Variants in SH2D5 observed in about 807,000 individuals in gnomAD.
SH2D5 encodes the protein SH2 domain containing 5.
Under a neutral mutation model 48.2 loss-of-function variants are expected in SH2D5, and 45 were observed. That is an observed-to-expected ratio of 0.93 (90% CI 0.73 to 1.20). The LOEUF is 1.20. SH2D5 is among the 50% of genes most tolerant of loss of function. The probability of loss-of-function intolerance (pLI) is 0.00; values close to 1 mark genes in which losing one functional copy is unlikely to be tolerated. For synonymous variants in SH2D5, 230 were observed against 249.8 expected (o/e 0.92, Z 0.75); for missense variants, 538 against 584.1 (o/e 0.92, Z 0.81).
intron 8 of SH2D5, 43 bp from the exon 9 acceptor site, chr1:20,722,958 C>G (rs1317614505): frequency 2.2e-5 from 33 of 1,472,998 alleles, no homozygotes; most frequent in Non-Finnish European, 3.0e-5. Flanking sequence ...GACTGCTCTC[C>G]TGGGCAATGG....
At chr1:20,727,438 TG>T in intron 3 of SH2D5, 84 bp downstream of exon 3, 2 of 1,255,284 alleles carry the variant, frequency 1.6e-6, no homozygotes, top group Non-Finnish European at 2.3e-6. Context: ...TCTCTAACTG[TG>T]GGGAGAGTGG....
At chr1:20,725,883 G>C (rs781321014) in intron 5 of SH2D5, 37 bp downstream of exon 5, 6 of 1,608,018 alleles carry the variant, frequency 3.7e-6, no homozygotes, top group Non-Finnish European at 5.1e-6. Context: ...AGCCCCTCCG[G>C]CCTCCGTGGC....
Position 20,732,398 on chromosome 1 carries a change from G to A in SH2D5, c.-260C>T, listed in dbSNP as rs967313339. 1 of 152,554 alleles carries A rather than the reference G, an allele frequency of 6.6e-6. No individual in the cohort carries two copies. Among genetic ancestry groups the A allele is most frequent in the Non-Finnish European group, 1.5e-5 (1 of 68,240 alleles). 9.5% of individuals were successfully genotyped at this position (152,554 alleles called of 1,614,324 possible). On this transcript the variant is annotated 5_prime_UTR_variant, in exon 1 of 10. Coordinates refer to ENST00000444387, the MANE Select transcript of SH2D5 (RefSeq NM_001103161.2). The surrounding 1 kb of genome is among the most constrained non-coding windows in gnomAD (Gnocchi z 5.1). ...AGGGCCTCTGCCCCTCCCCTCTCTGGCTGGCTCCTCCGCGTCATCCGAGCC... is the reference window on the plus strand; with the variant it reads ...AGGGCCTCTGCCCCTCCCCTCTCTGACTGGCTCCTCCGCGTCATCCGAGCC...
Position 20,728,206 on chromosome 1 carries a change from A to G in SH2D5, c.-42-120T>C. The stretch of plus-strand genomic sequence containing the variant: ...GCTATGTGTGCAGCACGGCTGCGCA[A>G]TGTCCCGGGCCCTGGGGAGCCAGCC... On this transcript the variant is annotated intron_variant, in intron 1 of 9. Coordinates refer to ENST00000444387, the MANE Select transcript of SH2D5 (RefSeq NM_001103161.2). The surrounding 1 kb of genome is among the most constrained non-coding windows in gnomAD (Gnocchi z 4.3). 1.6e-6 allele frequency: 1 copy of G among 607,348 alleles called. No individual in the cohort carries two copies. The highest frequency in any genetic ancestry group is 2.9e-5 in the Admixed American group (1 of 34,182). 37.6% of individuals were successfully genotyped at this position (607,348 alleles called of 1,614,324 possible).
chr1:20,723,481 G>A (rs967222788), intron 8 of SH2D5, 145 bp downstream of exon 8: 4 of 620,978 alleles, frequency 6.4e-6, no homozygotes, highest in Non-Finnish European at 5.8e-6. Flanking sequence ...GGAGGCCCAG[G>A]GTGGTGAAGT....
At chr1:20,724,777 T>C in intron 5 of SH2D5, 142 bp from the exon 6 acceptor site, 1 of 1,088,690 alleles carries the variant, frequency 9.2e-7, no homozygotes, top group African/African-American at 1.6e-5. Flanking sequence ...GGAAAGCTCC[T>C]ACTTACCCTT....
Position 20,728,130 on chromosome 1 carries a change from G to A in SH2D5, c.-42-44C>T. 2 of 889,696 alleles carry A rather than the reference G, an allele frequency of 2.2e-6. No individual in the cohort carries two copies. The highest frequency in any genetic ancestry group is 3.1e-5 in the South Asian group (2 of 64,172). 55.1% of individuals were successfully genotyped at this position (889,696 alleles called of 1,614,324 possible). On this transcript the variant is annotated intron_variant, in intron 1 of 9. Coordinates refer to ENST00000444387, the MANE Select transcript of SH2D5 (RefSeq NM_001103161.2). This position sits in a 1 kb window ranked among gnomAD's most constrained non-coding sequence, Gnocchi z 4.3. ...GAAGGGCTGCTTTCGAGGCAGGCAA[G>A]CCACAGAGTGCCCCCCACAGGCCAT...
chr1:20,722,027 C>T, intron 9 of SH2D5, 32 bp from the exon 10 acceptor site: 1 of 1,598,832 alleles, frequency 6.3e-7, no homozygotes, highest in Non-Finnish European at 8.5e-7. Context: ...GCTCCAGTCC[C>T]CTTCCCCAGG....
intron 7 of SH2D5, 37 bp from the exon 8 acceptor site, chr1:20,723,771 C>A: frequency 6.5e-7 from 1 of 1,546,068 alleles, no homozygotes; most frequent in South Asian, 1.1e-5. Flanking sequence ...GGAGAGTGGC[C>A]GAGCCCTCCC....
chr1:20,728,052 A>G lies in SH2D5; in HGVS notation c.-8T>C. On this transcript the variant is annotated 5_prime_UTR_variant, in exon 2 of 10. Coordinates refer to ENST00000444387, the MANE Select transcript of SH2D5 (RefSeq NM_001103161.2). The surrounding 1 kb of genome is among the most constrained non-coding windows in gnomAD (Gnocchi z 4.3). Reference sequence around the variant, plus strand: ...AGCCCCCGCCTTCTGCATGGCCCCCAGGGTGCCTGGCTTCCAGCTCCACGG... The same window carrying G: ...AGCCCCCGCCTTCTGCATGGCCCCCGGGGTGCCTGGCTTCCAGCTCCACGG... 5.2e-6 allele frequency: 8 copies of G among 1,535,282 alleles called. No individual in the cohort carries two copies. Among genetic ancestry groups the G allele is most frequent in the Non-Finnish European group, 7.0e-6 (8 of 1,138,318 alleles).
Position 20,720,503 on chromosome 1 carries a change from T to A in SH2D5, c.*1289A>T, listed in dbSNP as rs570159561. On this transcript the variant is annotated 3_prime_UTR_variant, in exon 10 of 10. Transcript: ENST00000444387. ...ACTTTCAAGGCACTGAACAGTTCTG[T>A]CCCACTCCCAGACGGGGAGAGGGCA... 1 of 152,372 alleles carries A rather than the reference T, an allele frequency of 6.6e-6. No individual in the cohort carries two copies. Among genetic ancestry groups the A allele is most frequent in the South Asian group, 2.1e-4 (1 of 4,830 alleles). The allele number at this position is 152,372 out of a possible 1,614,324, so 9.4% of individuals were successfully genotyped here.
In SH2D5 at chr1:20,730,124, C is replaced by T. The variant is rs190368056; in HGVS notation, c.-42-2038G>A. On this transcript the variant is annotated intron_variant, in intron 1 of 9. Coordinates refer to ENST00000444387, the MANE Select transcript of SH2D5 (RefSeq NM_001103161.2). ...CTGGGGCCAGGATCGGCCAGGATGG[C>T]GGGCAGTGGGGAGGGAGGAGGCAAA... 3.2e-3 allele frequency among the ~76,000 whole-genome samples: 493 copies of T among 151,828 alleles called. 1 individual carries two copies. The highest frequency in any genetic ancestry group is 5.2e-3 in the Non-Finnish European group (352 of 67,968).
chr1:20,723,053 T>G (rs1044008409), intron 8 of SH2D5, 138 bp from the exon 9 acceptor site: 4 of 800,014 alleles, frequency 5.0e-6, no homozygotes, highest in African/African-American at 1.8e-5. Context: ...CAGTGGCTCA[T>G]GCCTGTAATC....
rs1384069978 is a variant in SH2D5, at chr1:20,724,387, GC to G, written c.630+8del. 1 of 1,611,684 alleles carries G rather than the reference GC, an allele frequency of 6.2e-7. No individual in the cohort carries two copies. Among genetic ancestry groups the G allele is most frequent in the South Asian group, 1.1e-5 (1 of 91,002 alleles). On this transcript the variant is annotated splice_region_variant and intron_variant, in intron 6 of 9. Transcript: ENST00000444387. ...CCACTGCCCACTCCTTGGCTGGGGT[GC>G]TGCGTACCCCACTGCCCACCAGCCC... is the stretch of plus-strand genomic sequence containing the variant.
At chr1:20,725,026 A>T (rs2054768390) in intron 5 of SH2D5, among the ~76,000 whole-genome samples, 1 of 152,158 alleles carries the variant, frequency 6.6e-6, no homozygotes, top group Non-Finnish European at 1.5e-5. Flanking sequence ...TGGCTCTGTC[A>T]TGTAGGAGCT....
rs576161718 is a variant in SH2D5, at chr1:20,728,742, C to T, written c.-42-656G>A. ...TGGGATCAGCCTTAGACGCCAGGCT[C>T]AGGAATTCAGACCCCACCCTGTGGG... On this transcript the variant is annotated intron_variant, in intron 1 of 9. Coordinates refer to ENST00000444387, the MANE Select transcript of SH2D5 (RefSeq NM_001103161.2). The surrounding 1 kb of genome is among the most constrained non-coding windows in gnomAD (Gnocchi z 4.3). Among the ~76,000 whole-genome samples, 1 of 152,340 alleles carries T rather than the reference C, an allele frequency of 6.6e-6. No homozygotes were observed. The highest frequency in any genetic ancestry group is 1.9e-4 in the East Asian group (1 of 5,180).
chr1:20,730,892 T>A (rs1387601975), intron 1 of SH2D5: 2 of 152,228 alleles, frequency 1.3e-5, no homozygotes, highest in East Asian at 3.9e-4. Flanking sequence ...ACCTGCCTCG[T>A]GGGTCAGGCG....
chr1:20,730,060 G>A (rs2054877150), intron 1 of SH2D5, among the ~76,000 whole-genome samples: 1 of 152,178 alleles, frequency 6.6e-6, no homozygotes, highest in Non-Finnish European at 1.5e-5. Context: ...GGGGAGGGGG[G>A]CTTCCAGTGA....
Position 20,723,667 on chromosome 1 carries a change from GC to G in SH2D5, c.866del (p.Gly289AlafsTer3), listed in dbSNP as rs1557615710. ...AGGCCCAGATGTTCTCCGTCAGGCT[GC>G]CCTCGCTCTCCACCAGGCACGAGTG... ...GGHSCLVESE[G>X]SLTENIWAFA... is the part of the protein sequence containing the mutation. On this transcript the variant is annotated frameshift_variant, in exon 8 of 10. Transcript: ENST00000444387. LOFTEE classifies it high-confidence loss of function. The G allele has an allele frequency of 6.2e-7, 1 of 1,613,072 alleles. No homozygotes were observed. Among genetic ancestry groups the G allele is most frequent in the Non-Finnish European group, 8.5e-7 (1 of 1,179,974 alleles).
Sources: gnomAD v4.1 joint callset for allele counts (sites outside exome capture counted in the v4.1 genomes callset) on GRCh38, gnomAD v4.1.1 for gene constraint, Gnocchi (gnomAD v3.1) non-coding constraint, MANE v1.5 for transcripts, NCBI Gene and HGNC (gene_info 2026-07-23, HGNC 2026-07-21) for gene names.